Variants in LRRC4C observed in about 807,000 individuals in gnomAD.
LRRC4C encodes leucine-rich repeat-containing protein 4C.
Under a neutral mutation model 33.6 loss-of-function variants are expected in LRRC4C, and 5 were observed. That is an observed-to-expected ratio of 0.15 (90% CI 0.08 to 0.31). LRRC4C has a LOEUF of 0.31. Ranked by LOEUF, LRRC4C falls within the 10% of genes least tolerant of loss-of-function variation. The pLI, the probability that LRRC4C is intolerant of heterozygous loss-of-function variation, is 1.00. For missense variants in LRRC4C, 560 were observed against 796.7 expected, an observed-to-expected ratio of 0.70 and a Z score of 3.58; for synonymous variants, 329 against 302.0, an observed-to-expected ratio of 1.09 and a Z score of -0.93.
intron 2 of LRRC4C, among the ~76,000 whole-genome samples, chr11:40,891,846 TCTTCGGGGGCTGGG>T (rs1190020402): frequency 6.6e-6 from 1 of 152,028 alleles, no homozygotes; most frequent in Non-Finnish European, 1.5e-5. Context: ...GTATAGAAGT[TCTTCGGGGGCTGGG>T]CGTGGTGGCT....
chr11:40,738,096 A>G (rs1212937422), intron 2 of LRRC4C, among the ~76,000 whole-genome samples: 4 of 152,216 alleles, frequency 2.6e-5, no homozygotes, highest in Non-Finnish European at 5.9e-5. Context: ...TCTTTGACAA[A>G]TCTGACCAAA....
intron 5 of LRRC4C, among the ~76,000 whole-genome samples, chr11:40,146,293 C>G (rs1473016715): frequency 6.6e-6 from 1 of 152,150 alleles, no homozygotes. Context: ...TTTGTGCCCA[C>G]AGACACAAAC....
chr11:41,120,890 C>T (rs1942389958), intron 1 of LRRC4C, among the ~76,000 whole-genome samples: 1 of 152,070 alleles, frequency 6.6e-6, no homozygotes, highest in African/African-American at 2.4e-5. Context: ...TGTGGCACTT[C>T]CCCCTTTGCT....
At chr11:40,598,374 A>G (rs1959594209) in intron 3 of LRRC4C, among the ~76,000 whole-genome samples, 1 of 152,188 alleles carries the variant, frequency 6.6e-6, no homozygotes, top group Non-Finnish European at 1.5e-5. Flanking sequence ...TTGTTATAGC[A>G]TCTGTCACCT....
intron 3 of LRRC4C, among the ~76,000 whole-genome samples, chr11:40,383,825 C>G (rs1196776123): frequency 6.6e-6 from 1 of 151,776 alleles, no homozygotes; most frequent in Admixed American, 6.6e-5. Context: ...GCTGGGAACA[C>G]AGGCATGCAA....
intron 2 of LRRC4C, among the ~76,000 whole-genome samples, chr11:40,712,777 T>C (rs1946529983): frequency 6.6e-6 from 1 of 152,178 alleles, no homozygotes; most frequent in African/African-American, 2.4e-5. Flanking sequence ...ATTGTAATTA[T>C]TCAATATATT....
chr11:41,318,474 C>T (rs1354690221), intron 1 of LRRC4C, among the ~76,000 whole-genome samples: 6 of 152,180 alleles, frequency 3.9e-5, no homozygotes, highest in Non-Finnish European at 4.4e-5. Flanking sequence ...ATTTTTCCCT[C>T]TTCTCATAAG....
chr11:40,684,153 A>T (rs1591457952), intron 2 of LRRC4C, among the ~76,000 whole-genome samples: 1 of 152,192 alleles, frequency 6.6e-6, no homozygotes, highest in South Asian at 2.1e-4. Context: ...AAAATATTTT[A>T]AAATTGAAGA....
chr11:41,388,985 T>C (rs1309650782), intron 1 of LRRC4C, among the ~76,000 whole-genome samples: 1 of 151,858 alleles, frequency 6.6e-6, no homozygotes, highest in African/African-American at 2.4e-5. Context: ...TAATTTGGAC[T>C]CTAATGATGT....
chr11:40,980,729 T>C lies in LRRC4C; in HGVS notation c.-495-47006A>G, dbSNP rs137912471. ...CATGACAGTTTGTGATATATCTCTA[T>C]CAAACGATCATAAACAGTATGTACT... is the stretch of plus-strand genomic sequence containing the variant. On this transcript the variant is annotated intron_variant, in intron 1 of 6. Coordinates refer to ENST00000528697, the MANE Select transcript of LRRC4C (RefSeq NM_001258419.2). Among the ~76,000 whole-genome samples the C allele has an allele frequency of 5.8e-3, 878 of 152,314 alleles. 4 individuals carry two copies. Among genetic ancestry groups the C allele is most frequent in the Non-Finnish European group, 0.011 (721 of 68,026 alleles).
chr11:41,373,357 G>C lies in LRRC4C; in HGVS notation c.-496+86074C>G, dbSNP rs16935640. Among the ~76,000 whole-genome samples the C allele has an allele frequency of 3.2e-3, 488 of 152,138 alleles. 9 individuals are homozygous for C. In the East Asian group the frequency reaches 0.038, roughly 12 times the overall value. On this transcript the variant is annotated intron_variant, in intron 1 of 6. Coordinates refer to ENST00000528697, the MANE Select transcript of LRRC4C (RefSeq NM_001258419.2). ...ACATTTATGCACATATATTTCTTAA[G>C]ATATACGTATACATACTTACACATC...
chr11:41,304,774 G>A (rs1351058421), intron 1 of LRRC4C, among the ~76,000 whole-genome samples: 1 of 82,918 alleles, frequency 1.2e-5, no homozygotes, highest in African/African-American at 4.7e-5. Context: ...GAGGTGGGGG[G>A]GTCAGCCCCC....
intron 1 of LRRC4C, among the ~76,000 whole-genome samples, chr11:41,004,784 GA>G (rs141112196): frequency 2.4e-3 from 351 of 149,350 alleles, no homozygotes; most frequent in African/African-American, 8.1e-3. Flanking sequence ...CTGTGTCACA[GA>G]AAAAAAAAAT....
At chr11:40,834,970 G>A (rs1203317135) in intron 2 of LRRC4C, among the ~76,000 whole-genome samples, 1 of 118,072 alleles carries the variant, frequency 8.5e-6, no homozygotes, top group Non-Finnish European at 1.9e-5. Context: ...CCCACCCTGG[G>A]ATTCTGGATT....
chr11:40,655,928 A>T (rs1943082612), intron 2 of LRRC4C, among the ~76,000 whole-genome samples: 1 of 152,174 alleles, frequency 6.6e-6, no homozygotes. Flanking sequence ...AGGAAGAGAT[A>T]GAGCGAAGAG....
At chr11:41,359,831 C>A (rs570506686) in intron 1 of LRRC4C, among the ~76,000 whole-genome samples, 1 of 152,128 alleles carries the variant, frequency 6.6e-6, no homozygotes, top group East Asian at 1.9e-4. Flanking sequence ...AACCACTTAA[C>A]ATGATGCCTC....
intron 3 of LRRC4C, among the ~76,000 whole-genome samples, chr11:40,467,176 G>C (rs1033983592): frequency 6.6e-6 from 1 of 152,098 alleles, no homozygotes; most frequent in Non-Finnish European, 1.5e-5. Flanking sequence ...AGTTGAGGTA[G>C]AGAGTAGAAG....
At chr11:41,265,394 T>C (rs576057724) in intron 1 of LRRC4C, among the ~76,000 whole-genome samples, 9 of 152,092 alleles carry the variant, frequency 5.9e-5, no homozygotes, top group Admixed American at 5.9e-4. Flanking sequence ...ATTGGTAAGA[T>C]TGAGAAAGCA....
chr11:41,260,937 C>A (rs1948962399), intron 1 of LRRC4C, among the ~76,000 whole-genome samples: 1 of 152,128 alleles, frequency 6.6e-6, no homozygotes, highest in African/African-American at 2.4e-5. Context: ...GGTAACTGTA[C>A]TTTCTCTTCT....
Sources: gnomAD v4.1 joint callset for allele counts (sites outside exome capture counted in the v4.1 genomes callset) on GRCh38, gnomAD v4.1.1 for gene constraint, MANE v1.5 for transcripts, NCBI Gene and HGNC (gene_info 2026-07-23, HGNC 2026-07-21) for gene names.